The following FUT1 variants were observed in gnomAD, a reference collection of about 807,000 sequenced individuals.
The protein encoded by FUT1 is fucosyltransferase 1 (H blood group).
For synonymous variants in FUT1, 215 were observed against 208.7 expected, an observed-to-expected ratio of 1.03 and a Z score of -0.26; for missense variants, 476 against 492.7, an observed-to-expected ratio of 0.97 and a Z score of 0.32.
chr19:48,754,586 T>TTA (rs1474578850), upstream of FUT1, among the ~76,000 whole-genome samples: 1 of 152,218 alleles, frequency 6.6e-6, no homozygotes, highest in Admixed American at 6.5e-5. Context: ...TGTTTCCTGG[T>TTA]TATATTAGTT....
chr19:48,754,285 AG>A (rs35558619), upstream of FUT1, among the ~76,000 whole-genome samples: 1 of 152,172 alleles, frequency 6.6e-6, no homozygotes, highest in African/African-American at 2.4e-5. Flanking sequence ...CAAGAGGACA[AG>A]GAGCGTGACC....
upstream of FUT1, chr19:48,752,825 G>C (rs578105859): frequency 3.7e-4 from 367 of 985,462 alleles, 3 homozygotes; most frequent in African/African-American, 6.2e-3. The surrounding 1 kb of genome is among the most constrained non-coding windows in gnomAD (Gnocchi z 4.3). Flanking sequence ...CGGGGATGCA[G>C]GGGACCGCGC....
At position 48,750,906 on chromosome 19, in the gene FUT1, T is replaced by C. The variant is rs1184425054; in HGVS notation, c.376A>G (p.Ile126Val). 1.9e-6 allele frequency: 3 copies of C among 1,613,100 alleles called. No individual in the cohort carries two copies. Among genetic ancestry groups the C allele is most frequent in the African/African-American group, 2.7e-5 (2 of 74,928 alleles). The part of the protein sequence containing the change: ...MHAALAPVFR[I>V]TLPVLAPEVD... Reference sequence around the variant, plus strand: ...TCTGGGGCCAGCACGGGCAGGGTGATGCGGAATACCGGGGCCAGGGCGGCA... The same window carrying C: ...TCTGGGGCCAGCACGGGCAGGGTGACGCGGAATACCGGGGCCAGGGCGGCA... The change falls in exon 2 of 2, where the codon ATC becomes GTC. Residue 126 changes from isoleucine (I) to valine (V), a missense_variant. Physicochemically the swap from Ile to Val is conservative, Grantham distance 29 (BLOSUM62 3). Coordinates refer to ENST00000645652, the MANE Select transcript of FUT1 (RefSeq NM_001384359.1).
rs71179040 is a variant in FUT1 at position 48,752,109 on chromosome 19, TA to T, written c.-3+380del. Reference sequence around the variant, plus strand: ...TGCGCGACAGAGAGGGACCCTGTCTTAAAAAAAAAAAAAAAAAAAAAAAAAG... The same window carrying T: ...TGCGCGACAGAGAGGGACCCTGTCTTAAAAAAAAAAAAAAAAAAAAAAAAG... On this transcript the variant is annotated intron_variant, in intron 1 of 1. Transcript: ENST00000645652. The surrounding 1 kb of genome is among the most constrained non-coding windows in gnomAD (Gnocchi z 4.3). Among the ~76,000 whole-genome samples, 23,641 of 99,852 alleles carry T rather than the reference TA, an allele frequency of 0.24. 2,540 individuals are homozygous for T. The highest frequency in any genetic ancestry group is 0.31 in the African/African-American group (7,774 of 25,378). The allele number at this position is 99,852 out of a possible 152,430, so 65.5% of individuals were successfully genotyped here. A position where few individuals can be genotyped will look rare whatever the true frequency, so the allele number is the denominator to read the frequency against.
rs1184244708 is a variant in FUT1 at position 48,750,242 on chromosome 19, G to C, written c.1040C>G (p.Pro347Arg). Residue 347 changes from proline (P) to arginine (R), a missense_variant, in exon 2 of 2, where the codon CCC becomes CGC. Coordinates refer to ENST00000645652, the MANE Select transcript of FUT1 (RefSeq NM_001384359.1). Reference protein sequence around the residue: ...KIFKPEAAFLPEWVGINADLS... With the variant: ...KIFKPEAAFLREWVGINADLS... ...GTCTGCATTAATGCCCACCCACTCG[G>C]GCAGGAAGGCCGCCTCCGGCTTAAA... 8.1e-6 allele frequency: 13 copies of C among 1,613,578 alleles called. No homozygotes were observed. Among genetic ancestry groups the C allele is most frequent in the Non-Finnish European group, 7.6e-6 (9 of 1,179,772 alleles).
Position 48,751,199 on chromosome 19 carries a change from T to C in FUT1, c.83A>G (p.His28Arg). The change falls in exon 2 of 2, where the codon CAT (histidine) becomes CGT (arginine). Residue 28 changes from histidine (H) to arginine (R), a missense_variant. Transcript: ENST00000645652. ...TAGGCCATGTGGAAAGCTGTCTTGATGGATATGGAGGAAGAAGATTACAGA... is the reference window on the plus strand; with the variant it reads ...TAGGCCATGTGGAAAGCTGTCTTGACGGATATGGAGGAAGAAGATTACAGA... ...VLSVIFFLHI[H>R]QDSFPHGLGL... 6.2e-7 allele frequency: 1 copy of C among 1,613,972 alleles called. No individual in the cohort carries two copies. Among genetic ancestry groups the C allele is most frequent in the East Asian group, 2.2e-5 (1 of 44,872 alleles).
chr19:48,752,987 C>T (rs561763354), upstream of FUT1: 17 of 788,222 alleles, frequency 2.2e-5, no homozygotes, highest in East Asian at 1.6e-3. The surrounding 1 kb of genome is among the most constrained non-coding windows in gnomAD (Gnocchi z 4.3). Flanking sequence ...GCCGCCCTCT[C>T]TCTTCCGGTG....
Position 48,750,901 on chromosome 19 carries a change from G to A in FUT1, c.381C>T (p.Thr127=). 6.2e-7 allele frequency: 1 copy of A among 1,613,386 alleles called. No homozygotes were observed. Among genetic ancestry groups the A allele is most frequent in the South Asian group, 1.1e-5 (1 of 91,076 alleles). ...CCACTTCTGGGGCCAGCACGGGCAG[G>A]GTGATGCGGAATACCGGGGCCAGGG... ...HAALAPVFRI[T]LPVLAPEVDS... is the part of the protein sequence containing the mutation. Residue 127 remains threonine (T), a synonymous_variant, in exon 2 of 2, where the codon ACC becomes ACT. Transcript: ENST00000645652.
In FUT1 at chr19:48,750,218, T is replaced by C. The variant is rs542146224; in HGVS notation, c.1064A>G (p.Asp355Gly). 1.2e-6 allele frequency: 2 copies of C among 1,611,628 alleles called. No homozygotes were observed. Among genetic ancestry groups the C allele is most frequent in the African/African-American group, 1.3e-5 (1 of 75,008 alleles). The change falls in exon 2 of 2, where the codon GAC becomes GGC. Residue 355 changes from aspartate to glycine, a missense_variant. Physicochemically the swap from Asp to Gly is moderately conservative, Grantham distance 94. Transcript: ENST00000645652. ...AGCCAATGTCCAGAGTGGAGACAAG[T>C]CTGCATTAATGCCCACCCACTCGGG... is the stretch of plus-strand genomic sequence containing the variant. ...FLPEWVGINA[D>G]LSPLWTLAKP is the part of the protein sequence containing the mutation.
rs1279783903 is a variant in FUT1 at position 48,749,263 on chromosome 19, C to G, written c.*921G>C. Reference sequence around the variant, plus strand: ...CTGAGATCGCGCCACTGCACTCTGGCCTGGGCTACAGAGCAAGACTCCGTC... The same window carrying G: ...CTGAGATCGCGCCACTGCACTCTGGGCTGGGCTACAGAGCAAGACTCCGTC... On this transcript the variant is annotated 3_prime_UTR_variant, in exon 2 of 2. Transcript: ENST00000645652. 6.7e-6 allele frequency: 1 copy of G among 150,202 alleles called. No individual in the cohort carries two copies. The highest frequency in any genetic ancestry group is 1.5e-5 in the Non-Finnish European group (1 of 67,834). The allele number at this position is 150,202 out of a possible 1,614,324, so 9.3% of individuals were successfully genotyped here. A position where few individuals can be genotyped will look rare whatever the true frequency, so the allele number is the denominator to read the frequency against.
Position 48,751,092 on chromosome 19 carries a change from G to A in FUT1, c.190C>T (p.Pro64Ser), listed in dbSNP as rs764783058. The A allele has an allele frequency of 9.9e-6, 16 of 1,612,138 alleles. No individual in the cohort carries two copies. The highest frequency in any genetic ancestry group is 1.7e-4 in the Middle Eastern group (1 of 6,052). Residue 64 changes from proline (P) to serine (S), a missense_variant, in exon 2 of 2, where the codon CCC (proline) becomes TCC (serine). By Grantham distance (74) the Pro-to-Ser change is moderately conservative (BLOSUM62 -1). Coordinates refer to ENST00000645652, the MANE Select transcript of FUT1 (RefSeq NM_001384359.1). ...TGGGGACAGGAAGAGGAGGCGTTGG[G>A]GCCCATCGCAGTACCCGGCAGGCAG... The part of the protein sequence containing the change: ...IFCLPGTAMG[P>S]NASSSCPQHP...
At position 48,750,900 on chromosome 19, in the gene FUT1, G is replaced by A. The variant is rs1454153701; in HGVS notation, c.382C>T (p.Leu128=). ...AALAPVFRIT[L]PVLAPEVDSR... ...TCCACTTCTGGGGCCAGCACGGGCA[G>A]GGTGATGCGGAATACCGGGGCCAGG... Residue 128 remains leucine, a synonymous_variant, in exon 2 of 2, where the codon CTG becomes TTG. Coordinates refer to ENST00000645652, the MANE Select transcript of FUT1 (RefSeq NM_001384359.1). The A allele has an allele frequency of 4.3e-6, 7 of 1,613,408 alleles. No homozygotes were observed. Among genetic ancestry groups the A allele is most frequent in the Non-Finnish European group, 5.1e-6 (6 of 1,179,642 alleles).
chr19:48,753,046 A>C (rs2034029100), upstream of FUT1: 1 of 324,928 alleles, frequency 3.1e-6, no homozygotes, highest in Non-Finnish European at 4.4e-6. Flanking sequence ...GAGCCTGGCC[A>C]CGCCCCAGCG....
chr19:48,751,108 C>T lies in FUT1; in HGVS notation c.174G>A (p.Pro58=), dbSNP rs1418723580. ...VTPPVAIFCL[P]GTAMGPNASS... ...AGGCGTTGGGGCCCATCGCAGTACC[C>T]GGCAGGCAGAAGATGGCCACTGGGG... Residue 58 remains proline (P), a synonymous_variant, in exon 2 of 2, where the codon CCG becomes CCA. Coordinates refer to ENST00000645652, the MANE Select transcript of FUT1 (RefSeq NM_001384359.1). 6.8e-6 allele frequency: 11 copies of T among 1,613,032 alleles called. No individual in the cohort carries two copies. Among genetic ancestry groups the T allele is most frequent in the Non-Finnish European group, 5.9e-6 (7 of 1,179,334 alleles).
chr19:48,753,954 G>A (rs1444111876), upstream of FUT1, among the ~76,000 whole-genome samples: 1 of 152,186 alleles, frequency 6.6e-6, no homozygotes, highest in African/African-American at 2.4e-5. Flanking sequence ...GGAGGCTGAG[G>A]CGGGCGGATC....
In FUT1 at chr19:48,750,442, C is replaced by G. The variant is rs568411797; in HGVS notation, c.840G>C (p.Thr280=). ...TAGCCTCCTGTCCATCGCCAGCAAA[C>G]GTCACATCGCCCTGGGAGGTGTCGA... The part of the protein sequence containing the change: ...ENIDTSQGDV[T]FAGDGQEATP... Residue 280 remains threonine, a synonymous_variant, in exon 2 of 2, where the codon ACG becomes ACC. Transcript: ENST00000645652. 6.2e-7 allele frequency: 1 copy of G among 1,614,252 alleles called. No homozygotes were observed. The highest frequency in any genetic ancestry group is 8.5e-7 in the Non-Finnish European group (1 of 1,180,054).
Position 48,750,662 on chromosome 19 carries a change from G to C in FUT1, c.620C>G (p.Thr207Arg), listed in dbSNP as rs1364261969. ...GACAAAGGTGCGCGGGCGGTCCCCTGTGCGGCCCAGGCGGAGCTGACCCAG... is the reference window on the plus strand; with the variant it reads ...GACAAAGGTGCGCGGGCGGTCCCCTCTGCGGCCCAGGCGGAGCTGACCCAG... ...SVLGQLRLGRTGDRPRTFVGV... is the reference protein window; with the variant it reads ...SVLGQLRLGRRGDRPRTFVGV... Residue 207 changes from threonine (T) to arginine (R), a missense_variant, in exon 2 of 2, where the codon ACA becomes AGA. Transcript: ENST00000645652. 1 of 1,612,912 alleles carries C rather than the reference G, an allele frequency of 6.2e-7. No homozygotes were observed. The highest frequency in any genetic ancestry group is 8.5e-7 in the Non-Finnish European group (1 of 1,179,962).
In FUT1 at chr19:48,749,100, G is replaced by C. The variant is rs2033952428; in HGVS notation, c.*1084C>G. On this transcript the variant is annotated 3_prime_UTR_variant, in exon 2 of 2. Transcript: ENST00000645652. ...GAGGTCAGGAGATCGAGACCATCCT[G>C]GTTAACACGATGAAACCCCGTCTCT... The C allele has an allele frequency of 6.6e-6, 1 of 151,998 alleles. No homozygotes were observed. The highest frequency in any genetic ancestry group is 1.5e-5 in the Non-Finnish European group (1 of 68,066). 9.4% of individuals were successfully genotyped at this position (151,998 alleles called of 1,614,324 possible).
In FUT1 at chr19:48,750,458, G is replaced by A. The variant is rs1329787466; in HGVS notation, c.824C>T (p.Ser275Phe). The change falls in exon 2 of 2, where the codon TCC becomes TTC. Residue 275 changes from serine (S) to phenylalanine (F), a missense_variant. By Grantham distance (155) the Ser-to-Phe change is radical. Transcript: ENST00000645652. ...MEWCKENIDT[S>F]QGDVTFAGDG... The stretch of plus-strand genomic sequence containing the variant: ...GCCAGCAAACGTCACATCGCCCTGG[G>A]AGGTGTCGATGTTTTCTTTACACCA... 3 of 1,614,232 alleles carry A rather than the reference G, an allele frequency of 1.9e-6. No individual in the cohort carries two copies. The highest frequency in any genetic ancestry group is 1.3e-5 in the African/African-American group (1 of 75,060).
Sources: allele counts gnomAD v4.1 joint callset (sites outside exome capture counted in the v4.1 genomes callset), GRCh38; gene constraint gnomAD v4.1.1; non-coding constraint Gnocchi (gnomAD v3.1); transcripts MANE v1.5; gene names NCBI Gene and HGNC (gene_info 2026-07-23, HGNC 2026-07-21).